ADGRL3: variants seen among roughly 807,000 people sequenced by gnomAD.
The protein encoded by ADGRL3 is calcium-independent alpha-latrotoxin receptor 3.
ADGRL3 carries 62 observed loss-of-function variants against 153.5 expected under a neutral mutation model. That is an observed-to-expected ratio of 0.40 (90% CI 0.33 to 0.50). The LOEUF (loss-of-function observed/expected upper bound fraction) is 0.50. Among genes scored for constraint, ADGRL3 ranks in the 20% least tolerant of loss-of-function variants. The pLI is 0.47. For synonymous variants in ADGRL3, 710 were observed against 672.5 expected, an observed-to-expected ratio of 1.06 and a Z score of -0.86; for missense variants, 1,641 against 1,859.4, an observed-to-expected ratio of 0.88 and a Z score of 2.16.
At chr4:61,383,589 C>T (rs1016470563) in intron 2 of ADGRL3, among the ~76,000 whole-genome samples, 2 of 151,592 alleles carry the variant, frequency 1.3e-5, no homozygotes. Flanking sequence ...TACATGTACA[C>T]TAACACAATG....
chr4:61,699,655 C>T (rs1351862538), intron 6 of ADGRL3, among the ~76,000 whole-genome samples: 1 of 152,082 alleles, frequency 6.6e-6, no homozygotes, highest in Non-Finnish European at 1.5e-5. Flanking sequence ...TTATTTCTAA[C>T]ATTGTATGTT....
intron 13 of ADGRL3, among the ~76,000 whole-genome samples, chr4:61,921,588 A>G (rs1346079360): frequency 1.3e-5 from 2 of 152,030 alleles, no homozygotes; most frequent in Non-Finnish European, 2.9e-5. Flanking sequence ...TTGTATTTTT[A>G]GTACAGACAG....
intron 5 of ADGRL3, among the ~76,000 whole-genome samples, chr4:61,628,049 A>G (rs2092938552): frequency 6.6e-6 from 1 of 152,184 alleles, no homozygotes; most frequent in Non-Finnish European, 1.5e-5. Context: ...ATAACATGAT[A>G]CACATTCTAA....
chr4:62,045,697 C>T (rs530966231), intron 25 of ADGRL3, among the ~76,000 whole-genome samples: 117 of 151,928 alleles, frequency 7.7e-4, no homozygotes, highest in Admixed American at 1.6e-3. Context: ...AATTGAGTTT[C>T]ATGTATTATT....
chr4:61,455,919 G>A (rs1438808748), intron 2 of ADGRL3, among the ~76,000 whole-genome samples: 3 of 151,824 alleles, frequency 2.0e-5, no homozygotes, highest in South Asian at 4.1e-4. Flanking sequence ...GGGTTCAAGT[G>A]ATTCTCCCAC....
intron 2 of ADGRL3, among the ~76,000 whole-genome samples, chr4:61,468,385 G>C (rs2097909399): frequency 6.6e-6 from 1 of 152,140 alleles, no homozygotes; most frequent in South Asian, 2.1e-4. Context: ...GTACTTGATG[G>C]CTAGAGAAGG....
At chr4:61,495,283 T>A (rs2098300861) in intron 2 of ADGRL3, among the ~76,000 whole-genome samples, 1 of 152,164 alleles carries the variant, frequency 6.6e-6, no homozygotes, top group Non-Finnish European at 1.5e-5. Context: ...AGACTTTGGT[T>A]TTTATTTTGA....
At chr4:61,361,333 G>C (rs1487569981) in intron 1 of ADGRL3, among the ~76,000 whole-genome samples, 1 of 152,162 alleles carries the variant, frequency 6.6e-6, no homozygotes, top group Non-Finnish European at 1.5e-5. Context: ...AGCATCATGA[G>C]ATGAGAGGGA....
intron 8 of ADGRL3, among the ~76,000 whole-genome samples, chr4:61,789,922 A>G (rs2097321996): frequency 6.6e-6 from 1 of 152,238 alleles, no homozygotes; most frequent in South Asian, 2.1e-4. Flanking sequence ...GTTATTAAAA[A>G]TAGAATAAAT....
At chr4:61,221,499 C>T (rs1745536427) in intron 1 of ADGRL3, among the ~76,000 whole-genome samples, 1 of 152,108 alleles carries the variant, frequency 6.6e-6, no homozygotes, top group Non-Finnish European at 1.5e-5. Context: ...TTTTAAACCT[C>T]TCTTGATAGT....
At chr4:61,245,719 C>T (rs1002359848) in intron 1 of ADGRL3, among the ~76,000 whole-genome samples, 3 of 152,130 alleles carry the variant, frequency 2.0e-5, no homozygotes, top group Non-Finnish European at 2.9e-5. Flanking sequence ...ATCATATTCA[C>T]ATTTGTCACA....
intron 22 of ADGRL3, among the ~76,000 whole-genome samples, chr4:62,029,595 G>A (rs934876781): frequency 1.3e-5 from 2 of 151,522 alleles, no homozygotes; most frequent in Non-Finnish European, 3.0e-5. Context: ...TAACCTATGG[G>A]CAACCTTGCT....
chr4:61,631,433 T>A (rs2093159613), intron 5 of ADGRL3, among the ~76,000 whole-genome samples: 2 of 152,210 alleles, frequency 1.3e-5, no homozygotes, highest in South Asian at 4.1e-4. Context: ...AACATTTCTT[T>A]AAAGCATCTA....
At chr4:61,735,834 C>A (rs780229839) in intron 8 of ADGRL3, among the ~76,000 whole-genome samples, 1 of 151,966 alleles carries the variant, frequency 6.6e-6, no homozygotes, top group African/African-American at 2.4e-5. Flanking sequence ...ATTTGATAAA[C>A]TAAAGCAAGT....
Position 62,075,617 on chromosome 4 carries a change from C to A in ADGRL3, c.*4709C>A, listed in dbSNP as rs1227401940. ...TCATAATTTTAACTTACCACATAAA[C>A]AATTACTATGCATTTCTAAGTAACG... On this transcript the variant is annotated 3_prime_UTR_variant, in exon 27 of 27. Transcript: ENST00000683033. 1 of 152,056 alleles carries A rather than the reference C, an allele frequency of 6.6e-6. No individual in the cohort carries two copies. Among genetic ancestry groups the A allele is most frequent in the Non-Finnish European group, 1.5e-5 (1 of 68,020 alleles). The allele number at this position is 152,056 out of a possible 1,614,324, so 9.4% of individuals were successfully genotyped here. A position where few individuals can be genotyped will look rare whatever the true frequency, so the allele number is the denominator to read the frequency against.
Position 61,216,078 on chromosome 4 carries a change from A to C in ADGRL3, c.-240+14313A>C, listed in dbSNP as rs147283889. On this transcript the variant is annotated intron_variant, in intron 1 of 26. Transcript: ENST00000683033. Reference sequence around the variant, plus strand: ...TCTGCTTGCAAGTTGAGCTTTTCAAAAAAACTGAATAGGTAGTTGATGTTG... The same window carrying C: ...TCTGCTTGCAAGTTGAGCTTTTCAACAAAACTGAATAGGTAGTTGATGTTG... Among the ~76,000 whole-genome samples the C allele has an allele frequency of 2.9e-3, 442 of 152,266 alleles. 5 individuals are homozygous for C. The highest frequency in any genetic ancestry group is 1.0e-2 in the African/African-American group (415 of 41,558).
chr4:61,650,308 T>C (rs2133009), intron 5 of ADGRL3, among the ~76,000 whole-genome samples: 64,979 of 151,904 alleles, frequency 0.43, 15,914 homozygotes, highest in African/African-American at 0.65. Flanking sequence ...TCTCAAAATA[T>C]TTACTGTATT....
chr4:62,060,179 A>G (rs767834893), intron 25 of ADGRL3, among the ~76,000 whole-genome samples: 8 of 152,020 alleles, frequency 5.3e-5, no homozygotes, highest in Middle Eastern at 3.4e-3. Flanking sequence ...TCAAAAGTGC[A>G]TTTTTCTTTT....
chr4:62,058,241 CT>C (rs1738109448), intron 25 of ADGRL3, among the ~76,000 whole-genome samples: 2 of 152,054 alleles, frequency 1.3e-5, no homozygotes, highest in South Asian at 4.2e-4. Flanking sequence ...TTCAGGTAGC[CT>C]TTTGTATTTC....
Sources: allele counts gnomAD v4.1 joint callset (sites outside exome capture counted in the v4.1 genomes callset), GRCh38; gene constraint gnomAD v4.1.1; transcripts MANE v1.5; gene names NCBI Gene and HGNC (gene_info 2026-07-23, HGNC 2026-07-21).